The following LITAF variants were observed in gnomAD, a reference collection of about 807,000 sequenced individuals.
LITAF encodes the protein lipopolysaccharide induced TNF factor.
In LITAF, 9 loss-of-function variants were observed where a neutral mutation model predicts 14.5. The ratio of observed to expected loss-of-function variants is 0.62; its 90% CI spans 0.37 to 1.08. The LOEUF (loss-of-function observed/expected upper bound fraction) is 1.08. Among genes scored for constraint, LITAF ranks in the 50% least tolerant of loss-of-function variants. The probability of loss-of-function intolerance (pLI) is 0.01; values close to 1 mark genes in which losing one functional copy is unlikely to be tolerated. For synonymous variants in LITAF, 98 were observed against 88.2 expected, an observed-to-expected ratio of 1.11 and a Z score of -0.62; for missense variants, 206 against 213.4, an observed-to-expected ratio of 0.97 and a Z score of 0.22.
chr16:11,611,203 C>T (rs1037263664), intron 3 of LITAF, among the ~76,000 whole-genome samples: 2 of 151,844 alleles, frequency 1.3e-5, no homozygotes, highest in South Asian at 4.2e-4. Context: ...ATTAGCCAGG[C>T]GTGGTGGCAC....
At chr16:11,572,322 C>T (rs531706319) in intron 1 of LITAF, among the ~76,000 whole-genome samples, 1 of 152,170 alleles carries the variant, frequency 6.6e-6, no homozygotes, top group East Asian at 1.9e-4. Context: ...CCACAGCCCT[C>T]CCCTAGACAA....
intron 1 of LITAF, among the ~76,000 whole-genome samples, chr16:11,562,291 G>A (rs774914625): frequency 7.0e-6 from 1 of 143,668 alleles, no homozygotes; most frequent in Non-Finnish European, 1.5e-5. Flanking sequence ...TCCAGCCTGG[G>A]TGACTGAGCG....
At chr16:11,579,232 A>G (rs1392017692) in intron 1 of LITAF, among the ~76,000 whole-genome samples, 1 of 151,830 alleles carries the variant, frequency 6.6e-6, no homozygotes, top group Non-Finnish European at 1.5e-5. Flanking sequence ...CAGGTGGATC[A>G]TGAGGTCAGG....
At chr16:11,573,687 GAGA>G (rs1287853267) in intron 1 of LITAF, among the ~76,000 whole-genome samples, 4 of 147,870 alleles carry the variant, frequency 2.7e-5, no homozygotes, top group Non-Finnish European at 5.9e-5. Context: ...TGTATGGTGA[GAGA>G]AGAAGATATC....
intron 3 of LITAF, among the ~76,000 whole-genome samples, chr16:11,624,067 T>G (rs530025858): frequency 1.6e-4 from 24 of 151,720 alleles, no homozygotes; most frequent in Admixed American, 1.6e-3. Flanking sequence ...GGAGGATCAC[T>G]TAAGCTCAGG....
Position 11,553,703 on chromosome 16 carries a change from G to C in LITAF, c.221-14C>G, listed in dbSNP as rs757733059. 3 of 1,614,026 alleles carry C rather than the reference G, an allele frequency of 1.9e-6. No homozygotes were observed. The highest frequency in any genetic ancestry group is 2.2e-5 in the East Asian group (1 of 44,882). ...TCTGCACGGTAACTGATGAAAGGGA[G>C]AGGGACAAACACAGGTTGCTCAGGA... On this transcript the variant is annotated splice_polypyrimidine_tract_variant and intron_variant, in intron 2 of 3. Coordinates refer to ENST00000622633, the MANE Select transcript of LITAF (RefSeq NM_001136472.2). This position sits in a 1 kb window ranked among gnomAD's most constrained non-coding sequence, Gnocchi z 7.7.
At chr16:11,581,927 G>A (rs1372487824) in intron 1 of LITAF, among the ~76,000 whole-genome samples, 1 of 152,164 alleles carries the variant, frequency 6.6e-6, no homozygotes, top group Non-Finnish European at 1.5e-5. Context: ...GGTTACTGGA[G>A]GTTACAAAGG....
At chr16:11,611,235 C>T (rs1472225459) in intron 3 of LITAF, among the ~76,000 whole-genome samples, 3 of 151,936 alleles carry the variant, frequency 2.0e-5, no homozygotes, top group Admixed American at 1.3e-4. Context: ...CCCAGCAACT[C>T]GGGAGGCTGA....
At chr16:11,561,807 T>G (rs1597337995) in intron 1 of LITAF, among the ~76,000 whole-genome samples, 1 of 95,248 alleles carries the variant, frequency 1.0e-5, no homozygotes. Flanking sequence ...TCACCCCCCA[T>G]CCCCTCCTTA....
At chr16:11,593,950 G>T (rs1317454650) in intron 1 of LITAF, among the ~76,000 whole-genome samples, 2 of 152,122 alleles carry the variant, frequency 1.3e-5, no homozygotes, top group Non-Finnish European at 2.9e-5. Flanking sequence ...GCCAAGGCAG[G>T]CGAGTTGCTT....
chr16:11,590,328 A>G (rs1249010045), upstream of LITAF, among the ~76,000 whole-genome samples: 2 of 118,020 alleles, frequency 1.7e-5, 1 homozygote, highest in African/African-American at 8.0e-5. Flanking sequence ...TTTCAAAGAA[A>G]GAGAGAGGAG....
chr16:11,607,966 G>A lies in LITAF; in HGVS notation c.85+25567C>T, dbSNP rs1414046806. On this transcript the variant is annotated intron_variant, in intron 3 of 3. Transcript: ENST00000574848. ...CTCCCAGTTAAGAACCCCTGTCCCA[G>A]CTCCCTGAAGGCAGGATCATTATGG... Among the ~76,000 whole-genome samples the A allele has an allele frequency of 2.6e-5, 4 of 152,160 alleles. No homozygotes were observed. In the East Asian group the frequency reaches 7.7e-4, roughly 29 times the overall value.
chr16:11,612,305 C>CA (rs1198030853), intron 3 of LITAF, among the ~76,000 whole-genome samples: 8 of 152,216 alleles, frequency 5.3e-5, no homozygotes, highest in Non-Finnish European at 8.8e-5. Context: ...CTCCTGGGAG[C>CA]CGCAGCAGGC....
At chr16:11,617,577 C>G (rs1368030561) in intron 3 of LITAF, among the ~76,000 whole-genome samples, 1 of 151,860 alleles carries the variant, frequency 6.6e-6, no homozygotes, top group Non-Finnish European at 1.5e-5. Context: ...CAGGCTCACA[C>G]CACCACGCCC....
upstream of LITAF, among the ~76,000 whole-genome samples, chr16:11,602,976 T>C (rs2064936587): frequency 6.6e-6 from 1 of 151,986 alleles, no homozygotes; most frequent in African/African-American, 2.4e-5. Flanking sequence ...TAGCAGATTA[T>C]GGTTGCCCAT....
rs114443379 is a variant in LITAF, at chr16:11,615,541, A to G, written c.85+17992T>C. Among the ~76,000 whole-genome samples, 544 of 152,204 alleles carry G rather than the reference A, an allele frequency of 3.6e-3. 2 individuals are homozygous for G. Among genetic ancestry groups the G allele is most frequent in the African/African-American group, 0.013 (522 of 41,528 alleles). ...AAAAAGAGTGAAACTCCGTCTCAATAAATAAATAAATAGCCAGGTGTGGTG... is the reference window on the plus strand; with the variant it reads ...AAAAAGAGTGAAACTCCGTCTCAATGAATAAATAAATAGCCAGGTGTGGTG... On this transcript the variant is annotated intron_variant, in intron 3 of 3. Coordinates refer to the LITAF transcript ENST00000574848.
intron 3 of LITAF, among the ~76,000 whole-genome samples, chr16:11,611,146 C>A (rs913753845): frequency 2.0e-5 from 3 of 151,856 alleles, no homozygotes; most frequent in African/African-American, 7.3e-5. Flanking sequence ...GCCAGGAGTT[C>A]AAGACCAGCC....
Position 11,553,481 on chromosome 16 carries a change from C to A in LITAF, c.377+52G>T. The A allele has an allele frequency of 6.2e-7, 1 of 1,603,860 alleles. No homozygotes were observed. Among genetic ancestry groups the A allele is most frequent in the Non-Finnish European group, 8.5e-7 (1 of 1,173,052 alleles). ...GCAGTTGAGAACCCACCCCCGCCAG[C>A]ACCCAGAGAGAAGGGCAGGATGGCT... On this transcript the variant is annotated intron_variant, in intron 3 of 3. Coordinates refer to ENST00000622633, the MANE Select transcript of LITAF (RefSeq NM_001136472.2). The surrounding 1 kb of genome is among the most constrained non-coding windows in gnomAD (Gnocchi z 7.7).
intron 3 of LITAF, among the ~76,000 whole-genome samples, chr16:11,613,513 G>C (rs908130379): frequency 7.2e-5 from 11 of 152,184 alleles, no homozygotes; most frequent in African/African-American, 2.7e-4. Context: ...CGAAGACATC[G>C]GTGATTCACA....
Sources: allele counts gnomAD v4.1 joint callset (sites outside exome capture counted in the v4.1 genomes callset), GRCh38; gene constraint gnomAD v4.1.1; non-coding constraint Gnocchi (gnomAD v3.1); transcripts MANE v1.5; gene names NCBI Gene and HGNC (gene_info 2026-07-23, HGNC 2026-07-21).